RO60: variants seen among roughly 807,000 people sequenced by gnomAD.
RO60 encodes RNA-binding protein RO60.
Under a neutral mutation model 55.3 loss-of-function variants are expected in RO60, and 20 were observed. The ratio of observed to expected loss-of-function variants is 0.36; its 90% confidence interval spans 0.25 to 0.53. RO60 has a LOEUF of 0.53. Ranked by LOEUF, RO60 falls within the 20% of genes least tolerant of loss-of-function variation. The pLI is 0.92. For synonymous variants in RO60, 213 were observed against 213.6 expected, an observed-to-expected ratio of 1.00 and a Z score of 0.02; for missense variants, 558 against 646.6, an observed-to-expected ratio of 0.86 and a Z score of 1.49.
intron 2 of RO60, 28 bp downstream of exon 2, chr1:193,069,662 A>C (rs1293200873): frequency 6.5e-7 from 1 of 1,539,620 alleles, no homozygotes; most frequent in East Asian, 2.3e-5. Flanking sequence ...ATTGGGAAGA[A>C]GGGTGGGTAA....
At position 193,083,697 on chromosome 1, in the gene RO60, G is replaced by A. The variant is rs541612769; in HGVS notation, c.1465-882G>A. On this transcript the variant is annotated intron_variant, in intron 8 of 8. Coordinates refer to ENST00000400968, the MANE Select transcript of RO60 (RefSeq NM_001173524.2). Reference sequence around the variant, plus strand: ...ACTGTGTTTTAACAAGCCCTCCAGAGGATTTCTGATGCAGGCTTAAGTTTG... The same window carrying A: ...ACTGTGTTTTAACAAGCCCTCCAGAAGATTTCTGATGCAGGCTTAAGTTTG... Among the ~76,000 whole-genome samples the A allele has an allele frequency of 3.9e-5, 6 of 152,318 alleles. No homozygotes were observed. In the South Asian group the frequency reaches 1.0e-3, roughly 26 times the overall value.
rs995890015 is a variant in RO60 at position 193,062,870 on chromosome 1, C to T, written c.-22+3094C>T. 2.0e-5 allele frequency among the ~76,000 whole-genome samples: 3 copies of T among 152,076 alleles called. No individual in the cohort carries two copies. In the East Asian group the frequency reaches 5.8e-4, roughly 29 times the overall value. On this transcript the variant is annotated intron_variant, in intron 1 of 8. Coordinates refer to ENST00000400968, the MANE Select transcript of RO60 (RefSeq NM_001173524.2). Reference sequence around the variant, plus strand: ...TTGTGTCATGTATCACTACTTCATCCCTTTTTATTGTCTAATAATAGTCCA... The same window carrying T: ...TTGTGTCATGTATCACTACTTCATCTCTTTTTATTGTCTAATAATAGTCCA...
chr1:193,076,448 A>G, intron 3 of RO60, 53 bp from the exon 4 acceptor site: 1 of 1,574,818 alleles, frequency 6.3e-7, no homozygotes, highest in Non-Finnish European at 8.6e-7. Flanking sequence ...GGTATGTTAT[A>G]CTGATTTATT....
In RO60 at chr1:193,090,105, A is replaced by G. The variant is rs1236295248; in HGVS notation, c.*5374A>G. On this transcript the variant is annotated 3_prime_UTR_variant, in exon 9 of 9. Transcript: ENST00000400968. The stretch of plus-strand genomic sequence containing the variant: ...AGGCGTGAGCCACCGCACCTGGCCA[A>G]CTTTTCATCTTAAGTTGTTTAAATT... 2 of 152,156 alleles carry G rather than the reference A, an allele frequency of 1.3e-5. No individual in the cohort carries two copies. Among genetic ancestry groups the G allele is most frequent in the Non-Finnish European group, 2.9e-5 (2 of 68,028 alleles). The allele number at this position is 152,156 out of a possible 1,614,324, so 9.4% of individuals were successfully genotyped here. A position where few individuals can be genotyped will look rare whatever the true frequency, so the allele number is the denominator to read the frequency against.
At chr1:193,071,366 T>C (rs1169442053) in intron 2 of RO60, among the ~76,000 whole-genome samples, 4 of 152,220 alleles carry the variant, frequency 2.6e-5, no homozygotes, top group Non-Finnish European at 5.9e-5. Flanking sequence ...CTAAATTTTG[T>C]TACATGCCTT....
At chr1:193,081,882 C>T (rs1439143355) in intron 6 of RO60, among the ~76,000 whole-genome samples, 1 of 152,060 alleles carries the variant, frequency 6.6e-6, no homozygotes, top group East Asian at 1.9e-4. Flanking sequence ...TCTATCCTGT[C>T]AGTGAATAAC....
intron 5 of RO60, among the ~76,000 whole-genome samples, chr1:193,080,091 G>A (rs151087970): frequency 0.013 from 1,939 of 151,678 alleles, 20 homozygotes; most frequent in South Asian, 0.034. Context: ...AGATTGTGCC[G>A]TTGCACTCCA....
intron 5 of RO60, among the ~76,000 whole-genome samples, chr1:193,077,357 A>G (rs1414937638): frequency 1.3e-5 from 2 of 152,220 alleles, no homozygotes; most frequent in African/African-American, 4.8e-5. Flanking sequence ...GTTTATAAAG[A>G]AGAGAGGTTT....
In RO60 at chr1:193,086,109, C is replaced by A; in HGVS notation, c.*1378C>A. Reference sequence around the variant, plus strand: ...CTGAGGATTTGTAAGGTCCTTCTCGCTGTTATGTGAAAAGTCAAACTGTAG... The same window carrying A: ...CTGAGGATTTGTAAGGTCCTTCTCGATGTTATGTGAAAAGTCAAACTGTAG... On this transcript the variant is annotated 3_prime_UTR_variant, in exon 9 of 9. Coordinates refer to ENST00000400968, the MANE Select transcript of RO60 (RefSeq NM_001173524.2). 1 of 865,010 alleles carries A rather than the reference C, an allele frequency of 1.2e-6. No homozygotes were observed. Among genetic ancestry groups the A allele is most frequent in the Non-Finnish European group, 1.4e-6 (1 of 720,360 alleles). 53.6% of individuals were successfully genotyped at this position (865,010 alleles called of 1,614,324 possible). A position where few individuals can be genotyped will look rare whatever the true frequency, so the allele number is the denominator to read the frequency against.
rs1216791062 is a variant in RO60, at chr1:193,084,733, C to T, written c.*2C>T. On this transcript the variant is annotated 3_prime_UTR_variant, in exon 9 of 9. Coordinates refer to ENST00000400968, the MANE Select transcript of RO60 (RefSeq NM_001173524.2). The stretch of plus-strand genomic sequence containing the variant: ...AATTTCACATTAGATATGATTTAAC[C>T]ATAAGCAGCAGCACGATCCAGAGAT... 5 of 1,610,900 alleles carry T rather than the reference C, an allele frequency of 3.1e-6. No homozygotes were observed. The highest frequency in any genetic ancestry group is 4.5e-5 in the East Asian group (2 of 44,840).
At chr1:193,060,882 G>T (rs538932920) in intron 1 of RO60, among the ~76,000 whole-genome samples, 2 of 152,106 alleles carry the variant, frequency 1.3e-5, no homozygotes, top group Non-Finnish European at 2.9e-5. Context: ...TGGCATCAGA[G>T]CCCAAAGTAG....
intron 1 of RO60, chr1:193,060,383 C>A (rs895925843): frequency 4.1e-6 from 1 of 242,942 alleles, no homozygotes; most frequent in African/African-American, 2.3e-5. Context: ...TACTAAATTG[C>A]CCTCATTCAG....
At chr1:193,083,627 T>C (rs1226387041) in intron 8 of RO60, among the ~76,000 whole-genome samples, 1 of 152,226 alleles carries the variant, frequency 6.6e-6, no homozygotes, top group African/African-American at 2.4e-5. Flanking sequence ...TGCAAATTCC[T>C]GAGGCCCGTC....
At chr1:193,076,103 G>T in intron 3 of RO60, 63 bp downstream of exon 3, 1 of 1,068,274 alleles carries the variant, frequency 9.4e-7, no homozygotes, top group East Asian at 2.6e-5. Flanking sequence ...GGTGCTAAAA[G>T]GATAAACTTG....
chr1:193,068,212 T>C (rs1673248414), intron 1 of RO60, among the ~76,000 whole-genome samples: 1 of 152,222 alleles, frequency 6.6e-6, no homozygotes, highest in Non-Finnish European at 1.5e-5. Flanking sequence ...TTATTGGGCC[T>C]GGGTCAAGCA....
rs747101398 is a variant in RO60 at position 193,059,933 on chromosome 1, T to C, written c.-22+157T>C. On this transcript the variant is annotated intron_variant, in intron 1 of 8. Coordinates refer to ENST00000400968, the MANE Select transcript of RO60 (RefSeq NM_001173524.2). The surrounding 1 kb of genome is among the most constrained non-coding windows in gnomAD (Gnocchi z 4.9). ...CTCTTCCCCGTCCCGCTTCCGCGCCTGTCCACCCTGGGTAACGGAACCAGC... is the reference window on the plus strand; with the variant it reads ...CTCTTCCCCGTCCCGCTTCCGCGCCCGTCCACCCTGGGTAACGGAACCAGC... The C allele has an allele frequency of 7.3e-7, 1 of 1,366,338 alleles. No individual in the cohort carries two copies. The highest frequency in any genetic ancestry group is 9.8e-7 in the Non-Finnish European group (1 of 1,021,776). The allele number at this position is 1,366,338 out of a possible 1,614,324, so 84.6% of individuals were successfully genotyped here.
rs1399307364 is a variant in RO60 at position 193,085,630 on chromosome 1, T to C, written c.*899T>C. On this transcript the variant is annotated 3_prime_UTR_variant, in exon 9 of 9. Coordinates refer to ENST00000400968, the MANE Select transcript of RO60 (RefSeq NM_001173524.2). ...CATTCACAAAGTATAACAATTAAAA[T>C]CTCAACTATAACCAGTTTAGCTTTT... is the stretch of plus-strand genomic sequence containing the variant. The C allele has an allele frequency of 4.1e-6, 4 of 984,238 alleles. No individual in the cohort carries two copies. The highest frequency in any genetic ancestry group is 4.8e-6 in the Non-Finnish European group (4 of 828,998). The allele number at this position is 984,238 out of a possible 1,614,324, so 61.0% of individuals were successfully genotyped here.
intron 1 of RO60, among the ~76,000 whole-genome samples, chr1:193,063,087 T>C (rs1041908068): frequency 1.3e-5 from 2 of 152,194 alleles, no homozygotes; most frequent in South Asian, 4.1e-4. Flanking sequence ...ATTTAACCTT[T>C]TGAGAAACTG....
In RO60 at chr1:193,086,048, G is replaced by C; in HGVS notation, c.*1317G>C. On this transcript the variant is annotated 3_prime_UTR_variant, in exon 9 of 9. Coordinates refer to ENST00000400968, the MANE Select transcript of RO60 (RefSeq NM_001173524.2). Reference sequence around the variant, plus strand: ...TAGCTTACACATAAAACCTGTTTGCGTATCTGTTGTTCTCTAAATATTAAT... The same window carrying C: ...TAGCTTACACATAAAACCTGTTTGCCTATCTGTTGTTCTCTAAATATTAAT... 1.0e-6 allele frequency: 1 copy of C among 981,370 alleles called. No individual in the cohort carries two copies. The highest frequency in any genetic ancestry group is 1.2e-6 in the Non-Finnish European group (1 of 826,362). 60.8% of individuals were successfully genotyped at this position (981,370 alleles called of 1,614,324 possible). A position where few individuals can be genotyped will look rare whatever the true frequency, so the allele number is the denominator to read the frequency against.
Sources: allele counts gnomAD v4.1 joint callset (sites outside exome capture counted in the v4.1 genomes callset), GRCh38; gene constraint gnomAD v4.1.1; non-coding constraint Gnocchi (gnomAD v3.1); transcripts MANE v1.5; gene names NCBI Gene and HGNC (gene_info 2026-07-23, HGNC 2026-07-21).